ARSG: variants seen among roughly 807,000 people sequenced by gnomAD.
The protein encoded by ARSG is arylsulfatase G.
ARSG carries 37 observed loss-of-function variants against 50.5 expected under a neutral mutation model. The observed-to-expected ratio is 0.73, with a 90% confidence interval of 0.56 to 0.96. The LOEUF (loss-of-function observed/expected upper bound fraction) is 0.96, where lower values mean the gene tolerates loss of function less well. Among genes scored for constraint, ARSG ranks in the 50% least tolerant of loss-of-function variants. The pLI is 0.00. For synonymous variants in ARSG, 225 were observed against 254.6 expected (o/e 0.88, Z 1.11); for missense variants, 629 against 675.3 (o/e 0.93, Z 0.76).
chr17:68,368,498 T>C (rs1160519881), intron 6 of ARSG, 50 bp from the exon 7 acceptor site: 1 of 1,569,750 alleles, frequency 6.4e-7, no homozygotes, highest in Admixed American at 1.7e-5. Flanking sequence ...AGGCACCAGA[T>C]GAGCCAGGAG....
chr17:68,341,820 T>C (rs1428495156), intron 2 of ARSG, among the ~76,000 whole-genome samples: 1 of 152,116 alleles, frequency 6.6e-6, no homozygotes, highest in Non-Finnish European at 1.5e-5. Context: ...TTCAGTCAAT[T>C]CTTTTTTTTA....
At chr17:68,329,812 T>TA (rs907600844) in intron 2 of ARSG, among the ~76,000 whole-genome samples, 38 of 152,138 alleles carry the variant, frequency 2.5e-4, no homozygotes, top group East Asian at 1.2e-3. Flanking sequence ...ACTGATAAGC[T>TA]AAAAAAAATC....
chr17:68,329,515 G>A (rs1341361847), intron 2 of ARSG, among the ~76,000 whole-genome samples: 1 of 152,180 alleles, frequency 6.6e-6, no homozygotes, highest in Admixed American at 6.5e-5. Flanking sequence ...GGTGCCTCGA[G>A]TTGCCCCAGG....
chr17:68,310,736 C>G (rs2076819657), intron 2 of ARSG, among the ~76,000 whole-genome samples: 1 of 152,202 alleles, frequency 6.6e-6, no homozygotes, highest in Non-Finnish European at 1.5e-5. Flanking sequence ...TGATGCTTTT[C>G]CTGAGATACG....
At chr17:68,366,634 C>T (rs910275806) in intron 6 of ARSG, among the ~76,000 whole-genome samples, 1 of 151,698 alleles carries the variant, frequency 6.6e-6, no homozygotes, top group African/African-American at 2.4e-5. Context: ...CCTCTAGCCA[C>T]CTGCTGCTGC....
At chr17:68,314,630 C>A (rs1555767890) in intron 2 of ARSG, among the ~76,000 whole-genome samples, 1 of 151,898 alleles carries the variant, frequency 6.6e-6, no homozygotes, top group Non-Finnish European at 1.5e-5. Flanking sequence ...TCCCTTAATG[C>A]CAGGAGTTCA....
chr17:68,343,990 A>T (rs1003287436), intron 3 of ARSG, among the ~76,000 whole-genome samples, 199 bp downstream of exon 3: 1 of 152,202 alleles, frequency 6.6e-6, no homozygotes, highest in Non-Finnish European at 1.5e-5. Flanking sequence ...CCATTATAGC[A>T]AGTTTTGTGG....
rs533080226 is a variant in ARSG, at chr17:68,276,255, G to A, written c.-552+16829G>A. 4.6e-5 allele frequency among the ~76,000 whole-genome samples: 7 copies of A among 151,654 alleles called. No homozygotes were observed. The South Asian group carries it at 1.0e-3, about 23-fold the overall frequency. ...ATTACAGGTGCCCACCACCACACCC[G>A]GCTAACGAGAAATTTCTACCTTACC... On this transcript the variant is annotated intron_variant, in intron 1 of 11. Transcript: ENST00000448504.
intron 3 of ARSG, chr17:68,346,673 T>G: frequency 2.6e-6 from 3 of 1,171,936 alleles, no homozygotes; most frequent in Non-Finnish European, 3.2e-6. Context: ...GCTGCTGATG[T>G]TGGCCAGAGA....
rs1053436943 is a variant in ARSG, at chr17:68,412,913, C to G, written c.1304-7276C>G. On this transcript the variant is annotated intron_variant, in intron 11 of 11. Transcript: ENST00000621439. ...TACCCTTTCTTCCAGTTGATCGCAC[C>G]GGCTCCTGAGGCTTCTGCATTCTTC... 3.2e-3 allele frequency among the ~76,000 whole-genome samples: 480 copies of G among 151,938 alleles called. 3 individuals are homozygous for G. Among genetic ancestry groups the G allele is most frequent in the African/African-American group, 0.011 (464 of 41,232 alleles).
chr17:68,437,982 C>T, the ARSG span, among the ~76,000 whole-genome samples: 5 of 94,250 alleles, frequency 5.3e-5, no homozygotes, highest in Admixed American at 3.0e-4. Context: ...AAGTGACTGG[C>T]GTCTATTACA....
intron 2 of ARSG, among the ~76,000 whole-genome samples, chr17:68,341,368 C>G (rs1200529679): frequency 1.3e-5 from 2 of 152,204 alleles, no homozygotes; most frequent in African/African-American, 4.8e-5. Flanking sequence ...ACAACATAGT[C>G]CAGAGATACT....
intron 4 of ARSG, among the ~76,000 whole-genome samples, chr17:68,348,674 C>T (rs897941505): frequency 6.6e-6 from 1 of 152,092 alleles, no homozygotes; most frequent in South Asian, 2.1e-4. Flanking sequence ...TCTCATGCCT[C>T]AGCCTCCCAA....
intron 6 of ARSG, among the ~76,000 whole-genome samples, chr17:68,360,845 A>T (rs1433956317): frequency 6.6e-6 from 1 of 151,922 alleles, no homozygotes; most frequent in Non-Finnish European, 1.5e-5. Flanking sequence ...TTTTTTTGAG[A>T]CTGAGTCTCG....
chr17:68,430,540 A>T, the ARSG span, among the ~76,000 whole-genome samples: 1 of 152,298 alleles, frequency 6.6e-6, no homozygotes, highest in South Asian at 2.1e-4. Context: ...TGCCGGGCTC[A>T]TGGAAGAACA....
At chr17:68,441,257 A>T in the ARSG span, among the ~76,000 whole-genome samples, 1 of 152,358 alleles carries the variant, frequency 6.6e-6, no homozygotes, top group East Asian at 1.9e-4. Flanking sequence ...TCTCTGACAC[A>T]ACAGGAACGG....
chr17:68,387,578 T>G (rs1184499947), intron 9 of ARSG, among the ~76,000 whole-genome samples: 1 of 152,218 alleles, frequency 6.6e-6, no homozygotes, highest in Admixed American at 6.5e-5. Context: ...GTGTGTGTGT[T>G]TCTCTTTCCC....
upstream of ARSG, among the ~76,000 whole-genome samples, chr17:68,289,351 G>A (rs2075914393): frequency 6.6e-6 from 1 of 152,158 alleles, no homozygotes; most frequent in Non-Finnish European, 1.5e-5. Flanking sequence ...ATCCTTGGGA[G>A]TTTCACTGTG....
downstream of ARSG, chr17:68,420,831 C>T (rs2082724055): frequency 1.3e-5 from 3 of 224,762 alleles, no homozygotes; most frequent in South Asian, 8.4e-5. Context: ...ACAGAGCAGA[C>T]ATTCAATACA....
Sources: gnomAD v4.1 joint callset for allele counts (sites outside exome capture counted in the v4.1 genomes callset) on GRCh38, gnomAD v4.1.1 for gene constraint, MANE v1.5 for transcripts, NCBI Gene and HGNC (gene_info 2026-07-23, HGNC 2026-07-21) for gene names.